Variants in DLG2 observed in about 807,000 individuals in gnomAD.
The protein encoded by DLG2 is discs large MAGUK scaffold protein 2.
In DLG2, 45 loss-of-function variants were observed where a neutral mutation model predicts 132.5. The observed-to-expected ratio is 0.34, with a 90% CI of 0.27 to 0.44. The LOEUF is 0.44. DLG2 is among the 20% of genes least tolerant of loss of function. DLG2 has a pLI of 1.00. For missense variants in DLG2, 1,045 were observed against 1,196.9 expected, an observed-to-expected ratio of 0.87 and a Z score of 1.87; for synonymous variants, 424 against 419.6, an observed-to-expected ratio of 1.01 and a Z score of -0.13.
chr11:85,355,556 C>G (rs1195903503), intron 3 of DLG2, among the ~76,000 whole-genome samples: 1 of 152,010 alleles, frequency 6.6e-6, no homozygotes, highest in Non-Finnish European at 1.5e-5. Context: ...CTCATAACAG[C>G]TTTGTTGCTG....
intron 7 of DLG2, among the ~76,000 whole-genome samples, chr11:84,294,242 T>C (rs2098054806): frequency 6.6e-6 from 1 of 152,234 alleles, no homozygotes; most frequent in Non-Finnish European, 1.5e-5. Flanking sequence ...CTTAAAGTTA[T>C]TAAGTAATAT....
chr11:84,750,611 G>T (rs990742005), intron 6 of DLG2, among the ~76,000 whole-genome samples: 4 of 151,862 alleles, frequency 2.6e-5, no homozygotes, highest in Admixed American at 2.6e-4. Context: ...TTATGTTCAT[G>T]ACATAATTAA....
At chr11:84,414,633 A>C (rs7101963) in intron 7 of DLG2, among the ~76,000 whole-genome samples, 15,718 of 152,178 alleles carry the variant, frequency 0.1, 1,963 homozygotes, top group African/African-American at 0.3. Context: ...ATTCAAATGC[A>C]GTATATAATC....
chr11:83,926,122 C>T (rs766699117), intron 15 of DLG2, among the ~76,000 whole-genome samples: 3 of 150,664 alleles, frequency 2.0e-5, no homozygotes, highest in African/African-American at 5.0e-5. Flanking sequence ...TTCTTTTAAA[C>T]GGTCTTACAG....
At position 85,111,684 on chromosome 11, in the gene DLG2, A is replaced by T. The variant is rs568789379; in HGVS notation, c.334T>A (p.Trp112Arg). 5.2e-5 allele frequency: 81 copies of T among 1,566,114 alleles called. No individual in the cohort carries two copies. The African/African-American group carries it at 1.1e-3, about 20-fold the overall frequency. Residue 112 changes from tryptophan (W) to arginine (R), a missense_variant, in exon 6 of 28, where the codon TGG (tryptophan) becomes AGG (arginine). Coordinates refer to ENST00000376104, the MANE Select transcript of DLG2 (RefSeq NM_001142699.3). ...AQNCSVEAPA[W>R]MPVHHCTKYR... ...ACAGTACAGTGGTGGACAGGCATCCAAGCAGGGGCTTCCACTGAACAATTC... is the reference window on the plus strand; with the variant it reads ...ACAGTACAGTGGTGGACAGGCATCCTAGCAGGGGCTTCCACTGAACAATTC...
At chr11:84,747,041 C>T (rs766157588) in intron 6 of DLG2, among the ~76,000 whole-genome samples, 1 of 152,092 alleles carries the variant, frequency 6.6e-6, no homozygotes. Flanking sequence ...ACTGGCAAGG[C>T]GGATAGCATT....
chr11:85,321,061 A>G (rs1341241876), intron 3 of DLG2, among the ~76,000 whole-genome samples: 1 of 151,978 alleles, frequency 6.6e-6, no homozygotes, highest in Non-Finnish European at 1.5e-5. Flanking sequence ...TGTTTAGGGA[A>G]TAGGAAACTA....
chr11:85,410,957 G>A (rs1220950205), intron 3 of DLG2, among the ~76,000 whole-genome samples: 1 of 151,820 alleles, frequency 6.6e-6, no homozygotes, highest in Non-Finnish European at 1.5e-5. Context: ...CAAAGCCACA[G>A]CAAGTTTGCT....
rs188995375 is a variant in DLG2, at chr11:84,085,958, T to C, written c.749+12965A>G. Among the ~76,000 whole-genome samples the C allele has an allele frequency of 6.0e-3, 913 of 152,324 alleles. 5 individuals are homozygous for C. Among genetic ancestry groups the C allele is most frequent in the Non-Finnish European group, 9.6e-3 (652 of 68,024 alleles). On this transcript the variant is annotated intron_variant, in intron 10 of 27. Coordinates refer to ENST00000376104, the MANE Select transcript of DLG2 (RefSeq NM_001142699.3). ...CATATCAATAATTTGGTTTTGACTT[T>C]TGAAAACAGAAATGCTATTTATCAG...
chr11:85,583,122 G>A (rs11821637), intron 3 of DLG2, among the ~76,000 whole-genome samples: 137 of 48,976 alleles, frequency 2.8e-3, no homozygotes, highest in Non-Finnish European at 3.9e-3. Flanking sequence ...GTGTGTGTGT[G>A]TGTGTGTGTA....
rs186466144 is a variant in DLG2, at chr11:84,147,454, G to A, written c.624+16007C>T. Among the ~76,000 whole-genome samples, 276 of 152,118 alleles carry A rather than the reference G, an allele frequency of 1.8e-3. 1 individual carries two copies. The highest frequency in any genetic ancestry group is 6.5e-3 in the African/African-American group (269 of 41,486). On this transcript the variant is annotated intron_variant, in intron 9 of 27. Coordinates refer to ENST00000376104, the MANE Select transcript of DLG2 (RefSeq NM_001142699.3). ...TATATGCAGAGATTAGAAATGGGGA[G>A]TCATTAAAATAAAATATTTTAAAAA...
intron 19 of DLG2, among the ~76,000 whole-genome samples, chr11:83,560,385 T>C (rs1487881903): frequency 6.6e-6 from 1 of 152,152 alleles, no homozygotes; most frequent in Non-Finnish European, 1.5e-5. Context: ...CCCAAAGTGC[T>C]GGGATTATAG....
intron 6 of DLG2, among the ~76,000 whole-genome samples, chr11:85,110,866 G>A (rs1167243563): frequency 1.3e-5 from 2 of 152,088 alleles, no homozygotes; most frequent in Non-Finnish European, 2.9e-5. Context: ...TTTCCAAAAG[G>A]TAACTTTCTA....
intron 15 of DLG2, among the ~76,000 whole-genome samples, chr11:83,874,784 G>T (rs563785807): frequency 6.6e-6 from 1 of 152,084 alleles, no homozygotes; most frequent in East Asian, 1.9e-4. Context: ...TTAAATATTT[G>T]GTGATAGGTA....
At chr11:84,491,654 A>G (rs1238347124) in intron 7 of DLG2, among the ~76,000 whole-genome samples, 3 of 152,170 alleles carry the variant, frequency 2.0e-5, no homozygotes, top group Non-Finnish European at 2.9e-5. Context: ...TCTATAGACC[A>G]TTTTAGATGG....
At chr11:84,928,206 C>A (rs113245719) in intron 6 of DLG2, among the ~76,000 whole-genome samples, 261 of 151,924 alleles carry the variant, frequency 1.7e-3, no homozygotes, top group African/African-American at 5.9e-3. Context: ...TATATAATAC[C>A]TGATAATTTA....
chr11:85,400,428 C>A (rs1267111494), intron 3 of DLG2, among the ~76,000 whole-genome samples: 9 of 145,040 alleles, frequency 6.2e-5, no homozygotes, highest in African/African-American at 2.3e-4. Flanking sequence ...CATCCCATTA[C>A]TGGGTATATA....
chr11:84,696,156 C>A (rs773448593), intron 6 of DLG2, among the ~76,000 whole-genome samples: 9 of 151,370 alleles, frequency 5.9e-5, no homozygotes, highest in African/African-American at 1.9e-4. Context: ...TAAAAAGTCA[C>A]GGAAATACGC....
chr11:84,332,264 T>C (rs963954573), intron 7 of DLG2, among the ~76,000 whole-genome samples: 1 of 149,842 alleles, frequency 6.7e-6, no homozygotes, highest in Admixed American at 6.6e-5. Flanking sequence ...CAGGCTGGAA[T>C]GCAGTGGCGC....
Sources: allele counts gnomAD v4.1 joint callset (sites outside exome capture counted in the v4.1 genomes callset), GRCh38; gene constraint gnomAD v4.1.1; transcripts MANE v1.5; gene names NCBI Gene and HGNC (gene_info 2026-07-23, HGNC 2026-07-21).